Variants in FARS2 observed in about 807,000 individuals in gnomAD.
FARS2 encodes phenylalanyl-tRNA synthetase 2, mitochondrial.
Under a neutral mutation model 46.4 loss-of-function variants are expected in FARS2, and 40 were observed. The ratio of observed to expected loss-of-function variants is 0.86; its 90% CI spans 0.67 to 1.12. The LOEUF (loss-of-function observed/expected upper bound fraction) is 1.12, where lower values mean the gene tolerates loss of function less well. Among genes scored for constraint, FARS2 ranks in the 50% most tolerant of loss-of-function variants. The probability of loss-of-function intolerance (pLI) is 0.00; values close to 1 mark genes in which losing one functional copy is unlikely to be tolerated. For synonymous variants in FARS2, 234 were observed against 214.9 expected, an observed-to-expected ratio of 1.09 and a Z score of -0.78; for missense variants, 513 against 567.9, an observed-to-expected ratio of 0.90 and a Z score of 0.98.
At chr6:5,618,149 A>G (rs558845243) in intron 6 of FARS2, among the ~76,000 whole-genome samples, 2 of 152,314 alleles carry the variant, frequency 1.3e-5, no homozygotes, top group South Asian at 4.1e-4. Flanking sequence ...TGGAATGTGA[A>G]TTTGGCCCAT....
At position 5,399,267 on chromosome 6, in the gene FARS2, C is replaced by T. The variant is rs967372026; in HGVS notation, c.613-5275C>T. Among the ~76,000 whole-genome samples, 17 of 151,330 alleles carry T rather than the reference C, an allele frequency of 1.1e-4. No homozygotes were observed. In the South Asian group the frequency reaches 2.9e-3, roughly 26 times the overall value. On this transcript the variant is annotated intron_variant, in intron 2 of 6. Transcript: ENST00000274680. Reference sequence around the variant, plus strand: ...TAGGCGCACTGCAATTCCTGCCTCCCGGGTTCAAGTGATTCTCTTGTCTCA... The same window carrying T: ...TAGGCGCACTGCAATTCCTGCCTCCTGGGTTCAAGTGATTCTCTTGTCTCA...
chr6:5,313,295 TCA>T (rs1483689800), intron 1 of FARS2, among the ~76,000 whole-genome samples: 3 of 152,216 alleles, frequency 2.0e-5, no homozygotes, highest in Non-Finnish European at 4.4e-5. Context: ...CTGTCCATAC[TCA>T]GACTACCATC....
chr6:5,383,974 C>A (rs946467911), intron 2 of FARS2, among the ~76,000 whole-genome samples: 1 of 151,748 alleles, frequency 6.6e-6, no homozygotes, highest in Non-Finnish European at 1.5e-5. Flanking sequence ...GATCTGTCAT[C>A]ATGGCCCAGG....
chr6:5,464,231 C>A (rs1049777053), intron 4 of FARS2, among the ~76,000 whole-genome samples: 1 of 152,192 alleles, frequency 6.6e-6, no homozygotes, highest in Middle Eastern at 3.2e-3. Flanking sequence ...TCTTATGTTG[C>A]CACCCAGCTG....
chr6:5,636,850 G>A (rs563924082), intron 6 of FARS2, among the ~76,000 whole-genome samples: 3 of 152,248 alleles, frequency 2.0e-5, no homozygotes, highest in Non-Finnish European at 2.9e-5. Context: ...TGTCCACCTC[G>A]ATCATTGAGT....
chr6:5,408,178 T>A lies in FARS2; in HGVS notation c.772+3477T>A, dbSNP rs529521693. On this transcript the variant is annotated intron_variant, in intron 3 of 6. Transcript: ENST00000274680. ...CTTCAAAGAGCCATGGAGCCTTGGA[T>A]CTTGAGCTCTCTCCTTGGGAAACAT... 2.0e-5 allele frequency among the ~76,000 whole-genome samples: 3 copies of A among 152,278 alleles called. No homozygotes were observed. In the East Asian group the frequency reaches 5.8e-4, roughly 29 times the overall value.
intron 4 of FARS2, among the ~76,000 whole-genome samples, chr6:5,497,501 G>GA (rs749603758): frequency 6.7e-4 from 102 of 152,288 alleles, no homozygotes; most frequent in Non-Finnish European, 1.1e-3. Context: ...TTAAATGTCA[G>GA]AAAAATGAGT....
chr6:5,370,393 T>C (rs1238319972), intron 2 of FARS2, among the ~76,000 whole-genome samples: 1 of 152,164 alleles, frequency 6.6e-6, no homozygotes, highest in Non-Finnish European at 1.5e-5. Context: ...TTGGAATAGC[T>C]GACTATTTTC....
chr6:5,688,553 A>T (rs1030079831), intron 6 of FARS2, among the ~76,000 whole-genome samples: 1 of 152,214 alleles, frequency 6.6e-6, no homozygotes, highest in Non-Finnish European at 1.5e-5. Context: ...GATGAAGCCC[A>T]CTTGATCATG....
rs114229757 is a variant in FARS2 at position 5,491,718 on chromosome 6, A to G, written c.905-53462A>G. Reference sequence around the variant, plus strand: ...ATAGTCATTGCTAATTTTTGTTTCCATTGTAATCTTACCCTCTTTCTCGCT... The same window carrying G: ...ATAGTCATTGCTAATTTTTGTTTCCGTTGTAATCTTACCCTCTTTCTCGCT... On this transcript the variant is annotated intron_variant, in intron 4 of 6. Coordinates refer to ENST00000274680, the MANE Select transcript of FARS2 (RefSeq NM_006567.5). Among the ~76,000 whole-genome samples the G allele has an allele frequency of 7.1e-3, 1,075 of 152,190 alleles. 26 individuals carry two copies. The highest frequency in any genetic ancestry group is 0.024 in the African/African-American group (996 of 41,518).
intron 4 of FARS2, among the ~76,000 whole-genome samples, chr6:5,463,047 AGT>A (rs1765331315): frequency 6.6e-6 from 1 of 152,230 alleles, no homozygotes; most frequent in African/African-American, 2.4e-5. Context: ...GTGAGAAAGT[AGT>A]GTGGACAATG....
chr6:5,553,476 A>G (rs1771485604), intron 5 of FARS2, among the ~76,000 whole-genome samples: 2 of 152,224 alleles, frequency 1.3e-5, no homozygotes, highest in South Asian at 4.1e-4. Context: ...CAGAGCCATC[A>G]TCTCAATAGC....
intron 6 of FARS2, among the ~76,000 whole-genome samples, chr6:5,615,849 C>T (rs1223686293): frequency 6.6e-6 from 1 of 151,726 alleles, no homozygotes; most frequent in Non-Finnish European, 1.5e-5. Context: ...GCCAAGAAAC[C>T]AACTTTCTTT....
chr6:5,316,628 C>T (rs570639341), intron 1 of FARS2, among the ~76,000 whole-genome samples: 113 of 152,232 alleles, frequency 7.4e-4, no homozygotes, highest in African/African-American at 2.5e-3. Flanking sequence ...CTGTAATTGA[C>T]GAATTGCTGG....
At chr6:5,491,866 T>C (rs367763796) in intron 4 of FARS2, among the ~76,000 whole-genome samples, 6 of 152,296 alleles carry the variant, frequency 3.9e-5, no homozygotes, top group East Asian at 3.9e-4. Flanking sequence ...CCAGTCAAAT[T>C]AGCAGAATTT....
intron 6 of FARS2, among the ~76,000 whole-genome samples, chr6:5,668,392 C>A (rs545902272): frequency 6.6e-6 from 1 of 152,256 alleles, no homozygotes; most frequent in South Asian, 2.1e-4. Flanking sequence ...TATTGGACAC[C>A]CAGCACACTG....
chr6:5,510,033 G>A (rs1345592572), intron 4 of FARS2, among the ~76,000 whole-genome samples: 1 of 152,162 alleles, frequency 6.6e-6, no homozygotes, highest in African/African-American at 2.4e-5. Context: ...GGGGATTAAG[G>A]AGAGTGTCAT....
intron 5 of FARS2, among the ~76,000 whole-genome samples, chr6:5,596,142 A>T (rs915871226): frequency 6.6e-6 from 1 of 152,150 alleles, no homozygotes; most frequent in African/African-American, 2.4e-5. Flanking sequence ...TCCCTAAGAG[A>T]TAGGAGAGGT....
intron 4 of FARS2, among the ~76,000 whole-genome samples, chr6:5,474,947 C>T (rs528434943): frequency 4.6e-5 from 7 of 152,296 alleles, no homozygotes; most frequent in African/African-American, 1.7e-4. Context: ...CATGAGCCAC[C>T]ACGCCGGTGC....
Sources: allele counts gnomAD v4.1 joint callset (sites outside exome capture counted in the v4.1 genomes callset), GRCh38; gene constraint gnomAD v4.1.1; transcripts MANE v1.5; gene names NCBI Gene and HGNC (gene_info 2026-07-23, HGNC 2026-07-21).